The following KCNIP4 variants were observed in gnomAD, a reference collection of about 807,000 sequenced individuals.
The protein encoded by KCNIP4 is Kv channel-interacting protein 4.
Under a neutral mutation model 34.0 loss-of-function variants are expected in KCNIP4, and 12 were observed. The observed-to-expected ratio is 0.35, with a 90% CI of 0.23 to 0.57. The LOEUF (loss-of-function observed/expected upper bound fraction) is 0.57. Among genes scored for constraint, KCNIP4 ranks in the 20% least tolerant of loss-of-function variants. The pLI is 0.83. For missense variants in KCNIP4, 238 were observed against 311.7 expected, an observed-to-expected ratio of 0.76 and a Z score of 1.78; for synonymous variants, 124 against 102.2, an observed-to-expected ratio of 1.21 and a Z score of -1.29.
chr4:21,147,425 C>T (rs779874556), intron 1 of KCNIP4, among the ~76,000 whole-genome samples: 2 of 152,028 alleles, frequency 1.3e-5, no homozygotes, highest in Non-Finnish European at 2.9e-5. Context: ...TTGTGTGATC[C>T]GTATCTTCCT....
At chr4:21,385,073 A>G (rs1721893857) in intron 1 of KCNIP4, among the ~76,000 whole-genome samples, 1 of 152,230 alleles carries the variant, frequency 6.6e-6, no homozygotes, top group African/African-American at 2.4e-5. Context: ...CAGGGTTGAC[A>G]GACAGTACTA....
intron 1 of KCNIP4, among the ~76,000 whole-genome samples, chr4:21,858,074 C>T (rs1724864038): frequency 6.6e-6 from 1 of 152,220 alleles, no homozygotes; most frequent in South Asian, 2.1e-4. Flanking sequence ...CTTGGCTGCG[C>T]ACAGTGGCTG....
chr4:21,356,735 T>C lies in KCNIP4; in HGVS notation c.62-474026A>G, dbSNP rs138283918. Reference sequence around the variant, plus strand: ...AGAATCAATATCGTGAAAATGGCCATACTGCCCAAGGTCATTTATAGATTC... The same window carrying C: ...AGAATCAATATCGTGAAAATGGCCACACTGCCCAAGGTCATTTATAGATTC... On this transcript the variant is annotated intron_variant, in intron 1 of 8. Coordinates refer to ENST00000382152, the MANE Select transcript of KCNIP4 (RefSeq NM_025221.6). Among the ~76,000 whole-genome samples, 513 of 152,074 alleles carry C rather than the reference T, an allele frequency of 3.4e-3. 3 individuals are homozygous for C. The highest frequency in any genetic ancestry group is 0.011 in the African/African-American group (474 of 41,530).
At chr4:20,744,390 A>G (rs1220770952) in intron 5 of KCNIP4, among the ~76,000 whole-genome samples, 2 of 152,220 alleles carry the variant, frequency 1.3e-5, no homozygotes, top group South Asian at 2.1e-4. Context: ...CTGGATTAAG[A>G]AAATGTGGCA....
intron 1 of KCNIP4, among the ~76,000 whole-genome samples, chr4:21,564,964 C>T (rs939827143): frequency 6.6e-6 from 1 of 152,122 alleles, no homozygotes; most frequent in Non-Finnish European, 1.5e-5. Context: ...ACATCTCCCC[C>T]AATTAGGCCA....
At chr4:20,967,579 C>G (rs1389775706) in intron 1 of KCNIP4, among the ~76,000 whole-genome samples, 2 of 152,084 alleles carry the variant, frequency 1.3e-5, no homozygotes, top group Admixed American at 6.6e-5. Context: ...TACCAAAACA[C>G]ATATATAGAC....
intron 1 of KCNIP4, among the ~76,000 whole-genome samples, chr4:21,341,499 A>T (rs906425579): frequency 3.3e-5 from 5 of 152,170 alleles, no homozygotes; most frequent in Middle Eastern, 3.2e-3. Context: ...CAAATAAAAA[A>T]TAATTTAAGA....
At chr4:21,215,818 G>A (rs1456970519) in intron 1 of KCNIP4, among the ~76,000 whole-genome samples, 1 of 152,092 alleles carries the variant, frequency 6.6e-6, no homozygotes, top group Non-Finnish European at 1.5e-5. Flanking sequence ...GTTGTTGTTT[G>A]TTTGTTTGTT....
rs571922058 is a variant in KCNIP4 at position 21,476,501 on chromosome 4, G to A, written c.61+472070C>T. Among the ~76,000 whole-genome samples, 4 of 152,228 alleles carry A rather than the reference G, an allele frequency of 2.6e-5. No homozygotes were observed. The South Asian group carries it at 6.2e-4, about 24-fold the overall frequency. Reference sequence around the variant, plus strand: ...CCCCATGTGAGGATTTAGTGAAAAGGTGGCTGTCTGCAAGCAGGATGAGCC... The same window carrying A: ...CCCCATGTGAGGATTTAGTGAAAAGATGGCTGTCTGCAAGCAGGATGAGCC... On this transcript the variant is annotated intron_variant, in intron 1 of 8. Coordinates refer to ENST00000382152, the MANE Select transcript of KCNIP4 (RefSeq NM_025221.6).
intron 1 of KCNIP4, among the ~76,000 whole-genome samples, chr4:21,457,664 T>A (rs928112575): frequency 2.6e-5 from 4 of 151,964 alleles, no homozygotes; most frequent in Non-Finnish European, 5.9e-5. Context: ...CGCAGATCTA[T>A]CTCTTCTAGA....
intron 1 of KCNIP4, among the ~76,000 whole-genome samples, chr4:21,469,976 C>T (rs1297111163): frequency 3.3e-5 from 5 of 152,114 alleles, no homozygotes; most frequent in Admixed American, 6.6e-5. Flanking sequence ...GTGTTTTGCG[C>T]TTTTCTGTTA....
intron 1 of KCNIP4, among the ~76,000 whole-genome samples, chr4:21,940,406 C>T (rs1246420444): frequency 6.6e-6 from 1 of 152,162 alleles, no homozygotes; most frequent in Non-Finnish European, 1.5e-5. Context: ...AAATATCCAT[C>T]TCACTTCATC....
intron 2 of KCNIP4, among the ~76,000 whole-genome samples, chr4:20,864,042 ACG>A: frequency 3.1e-5 from 3 of 95,862 alleles, no homozygotes; most frequent in Admixed American, 9.3e-5. Flanking sequence ...ATGTATGTAT[ACG>A]CATGTATGTA....
intron 1 of KCNIP4, among the ~76,000 whole-genome samples, chr4:20,964,867 T>G (rs940940910): frequency 3.3e-5 from 5 of 152,180 alleles, no homozygotes; most frequent in African/African-American, 1.2e-4. Flanking sequence ...AGAGTAAGAT[T>G]TCTTTATTAT....
At chr4:20,793,846 G>T (rs929092024) in intron 3 of KCNIP4, among the ~76,000 whole-genome samples, 1 of 151,782 alleles carries the variant, frequency 6.6e-6, no homozygotes, top group South Asian at 2.1e-4. Flanking sequence ...ACACAACCTA[G>T]ATCCCTCATG....
At chr4:21,845,793 T>C (rs1486697378) in intron 1 of KCNIP4, 1 of 152,108 alleles carries the variant, frequency 6.6e-6, no homozygotes, top group Non-Finnish European at 1.5e-5. Context: ...TTTTGTCTTC[T>C]AGCTTTGTGA....
intron 1 of KCNIP4, among the ~76,000 whole-genome samples, chr4:20,971,245 T>C (rs938229721): frequency 3.3e-5 from 5 of 152,198 alleles, no homozygotes; most frequent in Admixed American, 6.5e-5. Flanking sequence ...AGCCTCTTTT[T>C]TTCTGCCTGA....
At chr4:21,912,820 T>C (rs910784002) in intron 1 of KCNIP4, among the ~76,000 whole-genome samples, 2 of 149,470 alleles carry the variant, frequency 1.3e-5, no homozygotes, top group East Asian at 1.9e-4. Context: ...TAATATAATA[T>C]ATATAACATA....
At chr4:20,778,971 G>T (rs1457504442) in intron 3 of KCNIP4, among the ~76,000 whole-genome samples, 1 of 152,106 alleles carries the variant, frequency 6.6e-6, no homozygotes, top group Non-Finnish European at 1.5e-5. Flanking sequence ...ATGTAAGGAG[G>T]CAGCTAGGAA....
Sources: allele counts gnomAD v4.1 joint callset (sites outside exome capture counted in the v4.1 genomes callset), GRCh38; gene constraint gnomAD v4.1.1; transcripts MANE v1.5; gene names NCBI Gene and HGNC (gene_info 2026-07-23, HGNC 2026-07-21).